Variants in CEP192 observed in about 807,000 individuals in gnomAD.
CEP192 encodes the protein centrosomal protein 192.
A neutral mutation model predicts 271.8 loss-of-function variants in CEP192; 151 were observed. The ratio of observed to expected loss-of-function variants is 0.56; its 90% CI spans 0.49 to 0.64. CEP192 has a LOEUF of 0.64. Among genes scored for constraint, CEP192 ranks in the 30% least tolerant of loss-of-function variants. The probability of loss-of-function intolerance (pLI) is 0.00; values close to 1 mark genes in which losing one functional copy is unlikely to be tolerated. For missense variants in CEP192, 2,910 were observed against 3,020.5 expected, an observed-to-expected ratio of 0.96 and a Z score of 0.86; for synonymous variants, 995 against 1,076.5, an observed-to-expected ratio of 0.92 and a Z score of 1.48.
intron 44 of CEP192, among the ~76,000 whole-genome samples, chr18:13,122,150 G>A (rs946514202): frequency 6.6e-6 from 1 of 152,140 alleles, no homozygotes; most frequent in Non-Finnish European, 1.5e-5. Flanking sequence ...CAGGCCAGGC[G>A]CGGTGGCTCA....
At position 13,057,582 on chromosome 18, in the gene CEP192, C is replaced by T. The variant is rs776263450; in HGVS notation, c.4109-3C>T. On this transcript the variant is annotated splice_region_variant and splice_polypyrimidine_tract_variant and intron_variant, in intron 19 of 44. Transcript: ENST00000506447. ...TTTTTGACTGTGCCTTATTCTCACC[C>T]AGGGAGTGTCCGAGTGCCCGAGGAG... 12 of 1,613,744 alleles carry T rather than the reference C, an allele frequency of 7.4e-6. No homozygotes were observed. Among genetic ancestry groups the T allele is most frequent in the Non-Finnish European group, 4.2e-6 (5 of 1,179,810 alleles).
chr18:13,026,838 G>T (rs1212795449), intron 9 of CEP192, among the ~76,000 whole-genome samples: 1 of 152,006 alleles, frequency 6.6e-6, no homozygotes, highest in Admixed American at 6.6e-5. Context: ...AATTGTTTTT[G>T]ATTTCTGGCC....
chr18:13,103,915 C>G (rs1466864086), intron 39 of CEP192: 1 of 462,266 alleles, frequency 2.2e-6, no homozygotes, highest in Non-Finnish European at 4.3e-6. Flanking sequence ...GTCTCGATCT[C>G]CTGACCTCAA....
chr18:13,036,081 G>A (rs2035899626), intron 11 of CEP192, among the ~76,000 whole-genome samples: 1 of 152,036 alleles, frequency 6.6e-6, no homozygotes, highest in Admixed American at 6.6e-5. Context: ...AGGAGGTAGA[G>A]GTTGCAGTGA....
intron 28 of CEP192, among the ~76,000 whole-genome samples, chr18:13,071,594 A>G (rs2038017175): frequency 6.6e-6 from 1 of 152,048 alleles, no homozygotes; most frequent in African/African-American, 2.4e-5. Context: ...TTTTAGCAAA[A>G]CCCATGAAAG....
At position 13,018,628 on chromosome 18, in the gene CEP192, A is replaced by T. The variant is rs750311652; in HGVS notation, c.925+13A>T. On this transcript the variant is annotated intron_variant, in intron 8 of 44. Transcript: ENST00000506447. ...CTACCTGGGACTAGTAAGTATAGAA[A>T]TATGATTCTTTTGTTCTTAAGTTCT... 2.0e-4 allele frequency: 288 copies of T among 1,458,454 alleles called. No homozygotes were observed. The highest frequency in any genetic ancestry group is 2.5e-4 in the Non-Finnish European group (274 of 1,096,804). The allele number at this position is 1,458,454 out of a possible 1,614,324, so 90.3% of individuals were successfully genotyped here.
chr18:13,027,384 A>G (rs991447921), intron 9 of CEP192, among the ~76,000 whole-genome samples: 1 of 152,222 alleles, frequency 6.6e-6, no homozygotes, highest in Non-Finnish European at 1.5e-5. Flanking sequence ...TCACAAAAGC[A>G]TGGGGCCCAC....
At chr18:13,053,818 T>C (rs1011770224) in intron 18 of CEP192, among the ~76,000 whole-genome samples, 4 of 152,096 alleles carry the variant, frequency 2.6e-5, no homozygotes, top group African/African-American at 9.7e-5. Context: ...GCCTCCCAAG[T>C]AGCTGGGACT....
rs150683960 is a variant in CEP192 at position 13,069,091 on chromosome 18, G to T, written c.4965G>T (p.Thr1655=). Residue 1655 remains threonine (T), a splice_region_variant and synonymous_variant, in exon 26 of 45, where the codon ACG becomes ACT. Transcript: ENST00000506447. ...GTCTGTCTTGCCCCATCCTCCAGAC[G>T]ATGCATTTCTTGGCCAAAGTGGCTT... is the stretch of plus-strand genomic sequence containing the variant. ...ARIHAPRDLQ[T]MHFLAKVASS... The T allele has an allele frequency of 1.2e-6, 2 of 1,614,128 alleles. No homozygotes were observed. Among genetic ancestry groups the T allele is most frequent in the Non-Finnish European group, 8.5e-7 (1 of 1,180,004 alleles).
chr18:13,104,873 C>T (rs1459146324), intron 39 of CEP192, 111 bp from the exon 40 acceptor site: 6 of 798,978 alleles, frequency 7.5e-6, no homozygotes, highest in Non-Finnish European at 1.3e-5. Flanking sequence ...TCTTTTTGTC[C>T]ACTGCTAAGT....
Position 13,099,554 on chromosome 18 carries a change from C to T in CEP192, c.6636C>T (p.Ile2212=). The change falls in exon 37 of 45, where the codon ATC becomes ATT. Residue 2212 remains isoleucine, a synonymous_variant. Coordinates refer to ENST00000506447, the MANE Select transcript of CEP192 (RefSeq NM_032142.4). The stretch of plus-strand genomic sequence containing the variant: ...CAATGTTCCCGTGGAGTGGTTTGAT[C>T]TATATACACTGTGACGATGGACAGA... ...KQSMFPWSGL[I]YIHCDDGQKK... 6.3e-7 allele frequency: 1 copy of T among 1,586,920 alleles called. No individual in the cohort carries two copies. Among genetic ancestry groups the T allele is most frequent in the Non-Finnish European group, 8.6e-7 (1 of 1,165,950 alleles).
intron 21 of CEP192, among the ~76,000 whole-genome samples, chr18:13,064,293 A>T (rs2037569238): frequency 6.6e-6 from 1 of 150,752 alleles, no homozygotes; most frequent in Non-Finnish European, 1.5e-5. Flanking sequence ...TCCCAAGTGT[A>T]TGTTCTTGGC....
At chr18:13,105,259 A>T (rs1472251735) in intron 40 of CEP192, among the ~76,000 whole-genome samples, 180 bp downstream of exon 40, 5 of 152,182 alleles carry the variant, frequency 3.3e-5, no homozygotes. Context: ...TAGTGTGAAA[A>T]AGTGGTCAGC....
Position 13,068,401 on chromosome 18 carries a change from A to G in CEP192, c.4801A>G (p.Lys1601Glu), listed in dbSNP as rs1357327549. The G allele has an allele frequency of 5.6e-6, 9 of 1,612,238 alleles. No homozygotes were observed. In the African/African-American group the frequency reaches 6.7e-5, roughly 12 times the overall value. ...LMIWVLFHSP[K>E]KQISSSDILD... ...GATTTGGGTTCTTTTCCATAGTCCAAAGAAACAGATCAGCTCTTCAGGTAT... is the reference window on the plus strand; with the variant it reads ...GATTTGGGTTCTTTTCCATAGTCCAGAGAAACAGATCAGCTCTTCAGGTAT... The change falls in exon 24 of 45, where the codon AAG becomes GAG. Residue 1601 changes from lysine to glutamate, a missense_variant. By Grantham distance (56) the Lys-to-Glu change is moderately conservative (BLOSUM62 1). Coordinates refer to ENST00000506447, the MANE Select transcript of CEP192 (RefSeq NM_032142.4).
chr18:13,095,627 G>C lies in CEP192; in HGVS notation c.6379G>C (p.Glu2127Gln). 1 of 1,614,200 alleles carries C rather than the reference G, an allele frequency of 6.2e-7. No individual in the cohort carries two copies. Among genetic ancestry groups the C allele is most frequent in the Non-Finnish European group, 8.5e-7 (1 of 1,180,034 alleles). The change falls in exon 35 of 45, where the codon GAA becomes CAA. Residue 2127 changes from glutamate to glutamine, a missense_variant. By Grantham distance (29) the Glu-to-Gln change is conservative. Coordinates refer to ENST00000506447, the MANE Select transcript of CEP192 (RefSeq NM_032142.4). ...CCCGCCTCTGGATCAGCTGGCCTCCGAAGAGCCGTGGACTGTCCTACCCGA... is the reference window on the plus strand; with the variant it reads ...CCCGCCTCTGGATCAGCTGGCCTCCCAAGAGCCGTGGACTGTCCTACCCGA... Reference protein sequence around the residue: ...ARPPLDQLASEEPWTVLPEHL... With the variant: ...ARPPLDQLASQEPWTVLPEHL...
At chr18:13,016,585 C>G (rs1318827937) in intron 6 of CEP192, among the ~76,000 whole-genome samples, 1 of 152,252 alleles carries the variant, frequency 6.6e-6, no homozygotes, top group South Asian at 2.1e-4. Flanking sequence ...CTTTAGTATG[C>G]TGGATTCTTG....
chr18:13,087,349 C>T (rs2038944475), intron 31 of CEP192, 72 bp downstream of exon 31: 1 of 1,320,176 alleles, frequency 7.6e-7, no homozygotes, highest in Non-Finnish European at 1.0e-6. Flanking sequence ...TATTTTAAAG[C>T]CAAAAGCTAA....
intron 44 of CEP192, among the ~76,000 whole-genome samples, chr18:13,118,481 CTCTT>C (rs1359456879): frequency 1.3e-5 from 2 of 152,306 alleles, no homozygotes; most frequent in Admixed American, 6.5e-5. Context: ...TTCCACCTTA[CTCTT>C]TCTTTTTATT....
intron 30 of CEP192, 112 bp from the exon 31 acceptor site, chr18:13,086,905 C>T: frequency 2.7e-6 from 2 of 741,730 alleles, no homozygotes; most frequent in South Asian, 4.2e-5. Flanking sequence ...AGTACACAAA[C>T]ATTTAAATTT....
Sources: gnomAD v4.1 joint callset for allele counts (sites outside exome capture counted in the v4.1 genomes callset) on GRCh38, gnomAD v4.1.1 for gene constraint, MANE v1.5 for transcripts, NCBI Gene and HGNC (gene_info 2026-07-23, HGNC 2026-07-21) for gene names.